The following RUNX1T1 variants were observed in gnomAD, a reference collection of about 807,000 sequenced individuals.
RUNX1T1 encodes protein CBFA2T1.
RUNX1T1 carries 4 observed loss-of-function variants against 62.8 expected under a neutral mutation model. The observed-to-expected ratio is 0.06, with a 90% confidence interval of 0.03 to 0.15. The LOEUF (loss-of-function observed/expected upper bound fraction) is 0.15. Ranked by LOEUF, RUNX1T1 falls within the 10% of genes least tolerant of loss-of-function variation. RUNX1T1 has a pLI of 1.00. For missense variants in RUNX1T1, 508 were observed against 754.3 expected (o/e 0.67, Z 3.82); for synonymous variants, 291 against 286.0 (o/e 1.02, Z -0.18).
chr8:91,985,862 A>G (rs887838739), intron 8 of RUNX1T1, among the ~76,000 whole-genome samples: 2 of 152,176 alleles, frequency 1.3e-5, no homozygotes, highest in Non-Finnish European at 2.9e-5. Flanking sequence ...AGTTATGCAC[A>G]TGAAAATCTG....
chr8:92,098,201 C>T (rs1331176801), intron 1 of RUNX1T1, among the ~76,000 whole-genome samples: 1 of 152,148 alleles, frequency 6.6e-6, no homozygotes, highest in Non-Finnish European at 1.5e-5. Flanking sequence ...TATCTCATTG[C>T]TCAGCTTGTC....
intron 10 of RUNX1T1, among the ~76,000 whole-genome samples, chr8:91,967,194 A>G (rs1443141696): frequency 6.6e-6 from 1 of 152,214 alleles, no homozygotes; most frequent in Non-Finnish European, 1.5e-5. Flanking sequence ...TTAAACACTC[A>G]TCGTAGGTCG....
In RUNX1T1 at chr8:92,095,254, G is replaced by A. The variant is rs2130934488; in HGVS notation, c.-86+4326C>T. Reference sequence around the variant, plus strand: ...CTGAATCATTTGGAAAGGGAGAGAGGGAGAGAGAAAAGCCGCCTCCCCACG... The same window carrying A: ...CTGAATCATTTGGAAAGGGAGAGAGAGAGAGAGAAAAGCCGCCTCCCCACG... On this transcript the variant is annotated intron_variant, in intron 1 of 11. Coordinates refer to the RUNX1T1 transcript ENST00000265814. 1.7e-5 allele frequency: 26 copies of A among 1,523,202 alleles called. No individual in the cohort carries two copies. The South Asian group carries it at 3.0e-4, about 18-fold the overall frequency. 94.4% of individuals were successfully genotyped at this position (1,523,202 alleles called of 1,614,324 possible). A position where few individuals can be genotyped will look rare whatever the true frequency, so the allele number is the denominator to read the frequency against.
At chr8:91,985,465 T>C (rs1396770955) in intron 8 of RUNX1T1, among the ~76,000 whole-genome samples, 2 of 152,238 alleles carry the variant, frequency 1.3e-5, no homozygotes, top group Middle Eastern at 3.4e-3. Context: ...AGTCCTATTA[T>C]AAAACTAGAT....
intron 5 of RUNX1T1, among the ~76,000 whole-genome samples, chr8:92,000,340 G>A (rs1428783423): frequency 6.6e-6 from 1 of 152,006 alleles, no homozygotes; most frequent in Non-Finnish European, 1.5e-5. Context: ...ATGTAATTTT[G>A]TGCTATTTCA....
At chr8:92,015,251 T>C (rs958010162) in intron 2 of RUNX1T1, among the ~76,000 whole-genome samples, 5 of 152,242 alleles carry the variant, frequency 3.3e-5, no homozygotes, top group African/African-American at 9.6e-5. Context: ...AAATTTATCA[T>C]TGAACATTTT....
chr8:91,971,150 G>T (rs906791355), intron 9 of RUNX1T1: 2 of 278,294 alleles, frequency 7.2e-6, no homozygotes, highest in Non-Finnish European at 6.6e-6. Context: ...CATACATTTA[G>T]GAAAACAAAG....
intron 1 of RUNX1T1, among the ~76,000 whole-genome samples, chr8:92,079,459 G>A (rs1483969378): frequency 6.6e-6 from 1 of 152,146 alleles, no homozygotes; most frequent in Non-Finnish European, 1.5e-5. Flanking sequence ...ATTTGAAGGA[G>A]TAGTGAACAG....
intron 9 of RUNX1T1, among the ~76,000 whole-genome samples, chr8:91,973,340 A>T (rs902044328): frequency 6.6e-6 from 1 of 151,812 alleles, no homozygotes; most frequent in Non-Finnish European, 1.5e-5. Context: ...GGTGAAAGTT[A>T]TAGAGGAATT....
At chr8:92,049,121 A>G (rs183876732) in intron 1 of RUNX1T1, among the ~76,000 whole-genome samples, 11 of 152,090 alleles carry the variant, frequency 7.2e-5, no homozygotes, top group Non-Finnish European at 8.8e-5. Flanking sequence ...AAGTCTCTGT[A>G]TTTGCGGCAT....
chr8:91,993,560 G>A (rs376381610), intron 5 of RUNX1T1, among the ~76,000 whole-genome samples: 1 of 152,080 alleles, frequency 6.6e-6, no homozygotes, highest in African/African-American at 2.4e-5. Context: ...AAATGGGACT[G>A]ATAGGAAACA....
At chr8:92,095,683 G>A (rs903359918) in intron 1 of RUNX1T1, 2 of 915,502 alleles carry the variant, frequency 2.2e-6, no homozygotes, top group Non-Finnish European at 3.0e-6. Flanking sequence ...GAGGGAAGGA[G>A]GGATGGAGGA....
chr8:91,992,524 C>T (rs986239351), intron 5 of RUNX1T1, among the ~76,000 whole-genome samples: 1 of 152,290 alleles, frequency 6.6e-6, no homozygotes, highest in Non-Finnish European at 1.5e-5. Flanking sequence ...AGATACATAA[C>T]ATTTCCATCA....
chr8:91,995,316 G>A lies in RUNX1T1; in HGVS notation c.660-3427C>T, dbSNP rs541463644. On this transcript the variant is annotated intron_variant, in intron 5 of 10. Coordinates refer to ENST00000396218, the Ensembl canonical transcript of RUNX1T1. ...GACCCAATTAAATGGGAGGTAAAAA[G>A]CATTTTTTTTCTAAAGCAAGGGCAG... Among the ~76,000 whole-genome samples, 4 of 152,256 alleles carry A rather than the reference G, an allele frequency of 2.6e-5. No homozygotes were observed. The South Asian group carries it at 8.3e-4, about 32-fold the overall frequency.
At chr8:92,010,431 CTTTGTG>C (rs1434423714) in intron 4 of RUNX1T1, 1 of 152,260 alleles carries the variant, frequency 6.6e-6, no homozygotes, top group African/African-American at 2.4e-5. Flanking sequence ...CTCTTGTGAA[CTTTGTG>C]TTTGTTTGTT....
intron 10 of RUNX1T1, among the ~76,000 whole-genome samples, chr8:91,962,076 C>T (rs561637657): frequency 7.9e-5 from 12 of 152,244 alleles, no homozygotes; most frequent in South Asian, 4.1e-4. Flanking sequence ...CTGTGCAAAA[C>T]GTGCAAGGGA....
intron 1 of RUNX1T1, among the ~76,000 whole-genome samples, chr8:92,027,609 T>G (rs1488725697): frequency 1.3e-5 from 2 of 152,148 alleles, no homozygotes; most frequent in African/African-American, 2.4e-5. Context: ...CAAGACATTC[T>G]CAGTTCAGGT....
At chr8:91,989,552 G>C (rs1817237770) in intron 6 of RUNX1T1, among the ~76,000 whole-genome samples, 1 of 152,154 alleles carries the variant, frequency 6.6e-6, no homozygotes, top group Non-Finnish European at 1.5e-5. Flanking sequence ...TTGCACATAA[G>C]TGTAATTACT....
chr8:92,063,933 T>C (rs536660459), upstream of RUNX1T1, among the ~76,000 whole-genome samples: 115 of 152,310 alleles, frequency 7.6e-4, no homozygotes, highest in African/African-American at 2.7e-3. Flanking sequence ...ATGAACATGA[T>C]AGACAGGAGC....
Sources: allele counts gnomAD v4.1 joint callset (sites outside exome capture counted in the v4.1 genomes callset), GRCh38; gene constraint gnomAD v4.1.1; transcripts MANE v1.5; gene names NCBI Gene and HGNC (gene_info 2026-07-23, HGNC 2026-07-21).